Variants in MGAT4C observed in about 807,000 individuals in gnomAD.
MGAT4C encodes the protein MGAT4 family member C, also known as alpha-1,3-mannosyl-glycoprotein 4-beta-N-acetylglucosaminyltransferase C.
MGAT4C carries 19 observed loss-of-function variants against 40.1 expected under a neutral mutation model. The observed-to-expected ratio is 0.47, with a 90% confidence interval of 0.33 to 0.70. MGAT4C has a LOEUF of 0.70. MGAT4C is among the 30% of genes least tolerant of loss of function. The probability of loss-of-function intolerance (pLI) is 0.02; values close to 1 mark genes in which losing one functional copy is unlikely to be tolerated. For missense variants in MGAT4C, 491 were observed against 563.2 expected (o/e 0.87, Z 1.30); for synonymous variants, 181 against 187.1 (o/e 0.97, Z 0.27).
chr12:86,797,213 C>A (rs972858189), intron 1 of MGAT4C, among the ~76,000 whole-genome samples: 1 of 151,692 alleles, frequency 6.6e-6, no homozygotes, highest in African/African-American at 2.4e-5. Flanking sequence ...TTGTTTATTG[C>A]CTTCTCTCCA....
intron 2 of MGAT4C, among the ~76,000 whole-genome samples, chr12:86,008,334 C>G (rs1350508474): frequency 1.3e-5 from 2 of 151,834 alleles, no homozygotes; most frequent in African/African-American, 2.4e-5. Flanking sequence ...TTTGTCTGAG[C>G]AATGGTTTTA....
At chr12:86,171,612 A>G (rs1209181150) in intron 1 of MGAT4C, among the ~76,000 whole-genome samples, 2 of 152,188 alleles carry the variant, frequency 1.3e-5, no homozygotes, top group African/African-American at 4.8e-5. Context: ...TTCAATAGCT[A>G]TTGATATTGC....
At chr12:86,500,280 A>G (rs903163858) in intron 2 of MGAT4C, among the ~76,000 whole-genome samples, 8 of 151,810 alleles carry the variant, frequency 5.3e-5, no homozygotes, top group Non-Finnish European at 1.2e-4. Flanking sequence ...AAGTAGAATA[A>G]AGTAAATAAT....
intron 2 of MGAT4C, among the ~76,000 whole-genome samples, chr12:86,581,952 A>C (rs1384215976): frequency 6.6e-6 from 1 of 151,472 alleles, no homozygotes; most frequent in Non-Finnish European, 1.5e-5. Flanking sequence ...TTTTATTAAT[A>C]AGCAAAGATA....
chr12:86,228,802 A>C (rs1951201721), intron 1 of MGAT4C, among the ~76,000 whole-genome samples: 1 of 151,972 alleles, frequency 6.6e-6, no homozygotes, highest in Non-Finnish European at 1.5e-5. Flanking sequence ...TATTAACTAC[A>C]GCTAGGAGAA....
intron 2 of MGAT4C, among the ~76,000 whole-genome samples, chr12:86,453,286 G>T (rs1456846396): frequency 6.6e-6 from 1 of 151,880 alleles, no homozygotes; most frequent in Non-Finnish European, 1.5e-5. Flanking sequence ...GAAAGTATAC[G>T]GTACTCAAAT....
chr12:86,053,437 A>T (rs573734715), intron 1 of MGAT4C, among the ~76,000 whole-genome samples: 1 of 152,012 alleles, frequency 6.6e-6, no homozygotes, highest in East Asian at 1.9e-4. Flanking sequence ...TCAAACACAG[A>T]AGAGCAAACA....
chr12:86,463,432 T>C (rs1957631411), intron 2 of MGAT4C, among the ~76,000 whole-genome samples: 1 of 152,144 alleles, frequency 6.6e-6, no homozygotes. Context: ...CTTATATGCA[T>C]CTCAAATTTC....
rs55637680 is a variant in MGAT4C at position 86,688,157 on chromosome 12, CTTTTTTT to C, written c.-229+39045_-229+39051del. ...TCAGAGACTAGGAATGCAACCCCTG[CTTTTTTT>C]TTTTTTTTTTTTTTTTTGCTTTCCA... On this transcript the variant is annotated intron_variant, in intron 2 of 7. Coordinates refer to the MGAT4C transcript ENST00000548651. 7.7e-5 allele frequency among the ~76,000 whole-genome samples: 5 copies of C among 65,188 alleles called. No individual in the cohort carries two copies. The East Asian group carries it at 1.7e-3, about 22-fold the overall frequency. 42.8% of individuals were successfully genotyped at this position (65,188 alleles called of 152,430 possible).
At chr12:86,476,045 T>A (rs972379844) in intron 2 of MGAT4C, among the ~76,000 whole-genome samples, 1 of 152,108 alleles carries the variant, frequency 6.6e-6, no homozygotes, top group Non-Finnish European at 1.5e-5. Flanking sequence ...AATGTCTCAT[T>A]GTACATGTGT....
chr12:86,008,054 A>T lies in MGAT4C; in HGVS notation c.-6-18502T>A, dbSNP rs543121935. 3.9e-5 allele frequency among the ~76,000 whole-genome samples: 6 copies of T among 152,026 alleles called. No individual in the cohort carries two copies. In the East Asian group the frequency reaches 1.2e-3, roughly 29 times the overall value. The stretch of plus-strand genomic sequence containing the variant: ...TTTTTCTTTATGTCAATATCATACT[A>T]TCTGGATTACTATCTGAAATATGAT... On this transcript the variant is annotated intron_variant, in intron 2 of 4. Transcript: ENST00000611864.
intron 2 of MGAT4C, among the ~76,000 whole-genome samples, chr12:86,624,334 A>C (rs958223745): frequency 6.6e-6 from 1 of 152,168 alleles, no homozygotes; most frequent in Admixed American, 6.5e-5. Context: ...CTGTTCTCTC[A>C]ATTCTGGTTG....
At chr12:86,453,619 G>A (rs374273643) in intron 2 of MGAT4C, among the ~76,000 whole-genome samples, 41 of 152,118 alleles carry the variant, frequency 2.7e-4, no homozygotes, top group Non-Finnish European at 4.4e-4. Context: ...TTGCAGCTCC[G>A]CTATTTACAC....
intron 3 of MGAT4C, among the ~76,000 whole-genome samples, chr12:86,358,842 C>A (rs1328899821): frequency 6.6e-6 from 1 of 152,110 alleles, no homozygotes; most frequent in African/African-American, 2.4e-5. Flanking sequence ...CCTTAGAGAC[C>A]TACAAAGAGA....
rs1213067103 is a variant in MGAT4C at position 86,004,098 on chromosome 12, G to A, written c.-6-14546C>T. Among the ~76,000 whole-genome samples, 3 of 151,760 alleles carry A rather than the reference G, an allele frequency of 2.0e-5. No individual in the cohort carries two copies. The East Asian group carries it at 5.8e-4, about 29-fold the overall frequency. On this transcript the variant is annotated intron_variant, in intron 2 of 4. Coordinates refer to ENST00000611864, the MANE Select transcript of MGAT4C (RefSeq NM_001351288.2). ...GAACTGATCTTGAAATTTCTCAAAG[G>A]GACCCTAAAAAATGTCAAAAAATTT...
chr12:86,708,017 A>G (rs185995708), intron 2 of MGAT4C, among the ~76,000 whole-genome samples: 1 of 152,366 alleles, frequency 6.6e-6, no homozygotes, highest in South Asian at 2.1e-4. Flanking sequence ...TGCATAAGTA[A>G]CAAGGAGCTG....
chr12:86,253,316 A>C (rs1455040554), intron 1 of MGAT4C, among the ~76,000 whole-genome samples: 1 of 151,816 alleles, frequency 6.6e-6, no homozygotes, highest in African/African-American at 2.4e-5. Flanking sequence ...TGATTAGATA[A>C]CCGGCTGTAT....
At chr12:86,710,419 T>C (rs1325396867) in intron 2 of MGAT4C, among the ~76,000 whole-genome samples, 1 of 152,202 alleles carries the variant, frequency 6.6e-6, no homozygotes, top group African/African-American at 2.4e-5. Flanking sequence ...TAAGTGCATG[T>C]TTGACTTAAA....
At chr12:86,316,634 CA>C (rs1566283067) in intron 4 of MGAT4C, among the ~76,000 whole-genome samples, 1 of 151,856 alleles carries the variant, frequency 6.6e-6, no homozygotes, top group African/African-American at 2.4e-5. Context: ...AACAAAAAAA[CA>C]AGTTATAAGT....
Sources: allele counts gnomAD v4.1 joint callset (sites outside exome capture counted in the v4.1 genomes callset), GRCh38; gene constraint gnomAD v4.1.1; transcripts MANE v1.5; gene names NCBI Gene and HGNC (gene_info 2026-07-23, HGNC 2026-07-21).